SASS6: variants seen among roughly 807,000 people sequenced by gnomAD.
SASS6 encodes the protein SAS-6 centriolar assembly protein, also known as spindle assembly abnormal protein 6 homolog.
In SASS6, 59 loss-of-function variants were observed where a neutral mutation model predicts 94.9. The ratio of observed to expected loss-of-function variants is 0.62; its 90% CI spans 0.50 to 0.77. The LOEUF is 0.77. Ranked by LOEUF, SASS6 falls within the 30% of genes least tolerant of loss-of-function variation. The probability of loss-of-function intolerance (pLI) is 0.00; values close to 1 mark genes in which losing one functional copy is unlikely to be tolerated. For synonymous variants in SASS6, 264 were observed against 270.0 expected, an observed-to-expected ratio of 0.98 and a Z score of 0.22; for missense variants, 698 against 734.1, an observed-to-expected ratio of 0.95 and a Z score of 0.57.
At chr1:100,093,336 C>A (rs1651886552) in intron 14 of SASS6, among the ~76,000 whole-genome samples, 1 of 152,166 alleles carries the variant, frequency 6.6e-6, no homozygotes. Flanking sequence ...TGTGTGACCA[C>A]ACCTGGCCAA....
At chr1:100,108,086 C>A in intron 8 of SASS6, 82 bp from the exon 9 acceptor site, 3 of 742,168 alleles carry the variant, frequency 4.0e-6, no homozygotes, top group Non-Finnish European at 4.2e-6. Context: ...AGATGTCTAA[C>A]ATATTAAAAA....
intron 14 of SASS6, among the ~76,000 whole-genome samples, chr1:100,095,251 GGT>G (rs1267780822): frequency 6.6e-6 from 1 of 152,132 alleles, no homozygotes; most frequent in East Asian, 1.9e-4. Flanking sequence ...CTATAGGCTG[GGT>G]GCAGTGGCCT....
chr1:100,088,361 G>GT, intron 14 of SASS6, 125 bp from the exon 15 acceptor site: 1 of 551,266 alleles, frequency 1.8e-6, no homozygotes, highest in Admixed American at 2.7e-5. Flanking sequence ...CATAATCACG[G>GT]TTCACTGCAG....
chr1:100,088,520 G>C (rs891246186), intron 14 of SASS6, among the ~76,000 whole-genome samples: 7 of 152,062 alleles, frequency 4.6e-5, no homozygotes, highest in African/African-American at 1.7e-4. Flanking sequence ...AAACTCCTCG[G>C]CTCAAGTGAT....
intron 14 of SASS6, among the ~76,000 whole-genome samples, chr1:100,101,660 C>T (rs1652505579): frequency 6.6e-6 from 1 of 152,106 alleles, no homozygotes; most frequent in South Asian, 2.1e-4. Context: ...CTTGAGTATA[C>T]TGAAACTGAT....
At chr1:100,093,791 A>G (rs943051888) in intron 14 of SASS6, among the ~76,000 whole-genome samples, 2 of 152,012 alleles carry the variant, frequency 1.3e-5, no homozygotes, top group Admixed American at 6.6e-5. Context: ...AAAAAAAAAT[A>G]TTTTAAACTT....
intron 14 of SASS6, among the ~76,000 whole-genome samples, chr1:100,097,047 G>A (rs1645281378): frequency 1.3e-5 from 2 of 152,072 alleles, no homozygotes; most frequent in South Asian, 2.1e-4. Context: ...CCCTGAAGGT[G>A]GAGGTTGTAG....
chr1:100,096,818 T>TA (rs1433098887), intron 14 of SASS6, among the ~76,000 whole-genome samples: 1 of 152,060 alleles, frequency 6.6e-6, no homozygotes, highest in Non-Finnish European at 1.5e-5. Flanking sequence ...AAATGCAAAC[T>TA]AAAATCACAA....
chr1:100,121,491 T>A lies in SASS6; in HGVS notation c.370A>T (p.Asn124Tyr). 1 of 1,600,060 alleles carries A rather than the reference T, an allele frequency of 6.2e-7. No homozygotes were observed. Among genetic ancestry groups the A allele is most frequent in the South Asian group, 1.1e-5 (1 of 88,988 alleles). The change falls in exon 5 of 17, where the codon AAT becomes TAT. Residue 124 changes from asparagine (N) to tyrosine (Y), a missense_variant. By Grantham distance (143) the Asn-to-Tyr change is moderately radical (BLOSUM62 -2). Coordinates refer to ENST00000287482, the MANE Select transcript of SASS6 (RefSeq NM_194292.3). ...TTAAAAGGATTTGTCTCTACCACAT[T>A]TAAAAATGCAGGTGAGTTATCCAAA... is the stretch of plus-strand genomic sequence containing the variant. ...AILDNSPAFL[N>Y]VVETNPFKHL...
At chr1:100,112,614 C>T (rs376362076) in intron 7 of SASS6, among the ~76,000 whole-genome samples, 1 of 152,168 alleles carries the variant, frequency 6.6e-6, no homozygotes, top group South Asian at 2.1e-4. Flanking sequence ...AGATAAGTGA[C>T]AAATATAGAT....
intron 14 of SASS6, among the ~76,000 whole-genome samples, chr1:100,095,954 C>T (rs1652076238): frequency 1.3e-5 from 2 of 152,142 alleles, no homozygotes; most frequent in Admixed American, 1.3e-4. Flanking sequence ...GATTGGAAGA[C>T]ACAATACTGC....
At chr1:100,087,022 C>G (rs192569597) in intron 15 of SASS6, among the ~76,000 whole-genome samples, 1 of 152,124 alleles carries the variant, frequency 6.6e-6, no homozygotes, top group African/African-American at 2.4e-5. Context: ...TTGCTCTTAT[C>G]GCCCAGGCTG....
rs1378364912 is a variant in SASS6 at position 100,119,149 on chromosome 1, T to C, written c.550-12A>G. On this transcript the variant is annotated splice_polypyrimidine_tract_variant and intron_variant, in intron 6 of 16. Transcript: ENST00000287482. ...TTTTCTGCTAATGTCTACATTAGAG[T>C]TTAACACAAAATATTAAGATAGGCT... 6.9e-7 allele frequency: 1 copy of C among 1,447,822 alleles called. No homozygotes were observed. The highest frequency in any genetic ancestry group is 1.9e-5 in the Admixed American group (1 of 52,318). 89.7% of individuals were successfully genotyped at this position (1,447,822 alleles called of 1,614,324 possible).
rs777435912 is a variant in SASS6, at chr1:100,105,922, A to C, written c.1409-19T>G. ...GTGATTACTTAAATAAAAGAACAAG[A>C]AGCAAGGTAAAGAATATTGACTGTT... On this transcript the variant is annotated intron_variant, in intron 12 of 16. Transcript: ENST00000287482. 115 of 1,517,234 alleles carry C rather than the reference A, an allele frequency of 7.6e-5. No homozygotes were observed. The highest frequency in any genetic ancestry group is 9.5e-5 in the Non-Finnish European group (105 of 1,108,482). The allele number at this position is 1,517,234 out of a possible 1,614,324, so 94.0% of individuals were successfully genotyped here. A position where few individuals can be genotyped will look rare whatever the true frequency, so the allele number is the denominator to read the frequency against.
chr1:100,126,239 C>T (rs1654614019), intron 1 of SASS6, among the ~76,000 whole-genome samples: 1 of 152,176 alleles, frequency 6.6e-6, no homozygotes, highest in South Asian at 2.1e-4. Context: ...TGATATATGA[C>T]TTTGCGGCCC....
At chr1:100,113,399 G>C (rs963174144) in intron 7 of SASS6, among the ~76,000 whole-genome samples, 6 of 152,028 alleles carry the variant, frequency 3.9e-5, no homozygotes, top group African/African-American at 1.2e-4. Context: ...ACGAGGTCAG[G>C]AGATCGAGAC....
At chr1:100,085,801 TAAACC>T (rs1285779105) in intron 15 of SASS6, among the ~76,000 whole-genome samples, 171 bp from the exon 16 acceptor site, 1 of 152,136 alleles carries the variant, frequency 6.6e-6, no homozygotes, top group Admixed American at 6.6e-5. Flanking sequence ...ATTTTATACA[TAAACC>T]AAAGTATCCT....
At chr1:100,121,982 C>T (rs1654233341) in intron 4 of SASS6, among the ~76,000 whole-genome samples, 1 of 152,046 alleles carries the variant, frequency 6.6e-6, no homozygotes, top group Non-Finnish European at 1.5e-5. Flanking sequence ...TTTGTTCTTC[C>T]TAATGAAATA....
At chr1:100,101,318 T>C (rs1191327443) in intron 14 of SASS6, among the ~76,000 whole-genome samples, 2 of 150,792 alleles carry the variant, frequency 1.3e-5, no homozygotes, top group Non-Finnish European at 3.0e-5. Context: ...AGAGCGCAAA[T>C]TGTTCTGTTT....
Sources: gnomAD v4.1 joint callset for allele counts (sites outside exome capture counted in the v4.1 genomes callset) on GRCh38, gnomAD v4.1.1 for gene constraint, MANE v1.5 for transcripts, NCBI Gene and HGNC (gene_info 2026-07-23, HGNC 2026-07-21) for gene names.